RBFOX1: variants seen among roughly 807,000 people sequenced by gnomAD.
The protein encoded by RBFOX1 is RNA binding fox-1 homolog 1.
Under a neutral mutation model 57.7 loss-of-function variants are expected in RBFOX1, and 8 were observed. The observed-to-expected ratio is 0.14, with a 90% CI of 0.08 to 0.25. The LOEUF (loss-of-function observed/expected upper bound fraction) is 0.25. RBFOX1 is among the 10% of genes least tolerant of loss of function. The pLI is 1.00. For synonymous variants in RBFOX1, 326 were observed against 222.4 expected (o/e 1.47, Z -4.15); for missense variants, 611 against 548.5 (o/e 1.11, Z -1.14).
chr16:6,641,241 C>G (rs2098485075), intron 2 of RBFOX1, among the ~76,000 whole-genome samples: 1 of 152,086 alleles, frequency 6.6e-6, no homozygotes, highest in Non-Finnish European at 1.5e-5. Context: ...TCAGGGCTTC[C>G]CCAGCCCTCA....
intron 3 of RBFOX1, among the ~76,000 whole-genome samples, chr16:7,032,298 A>C (rs2043008219): frequency 6.6e-6 from 1 of 151,942 alleles, no homozygotes; most frequent in African/African-American, 2.4e-5. Context: ...AAAAAAATTT[A>C]GCTGGGTGTG....
At position 7,229,664 on chromosome 16, in the gene RBFOX1, C is replaced by T. The variant is rs1461890594; in HGVS notation, c.27+177566C>T. Among the ~76,000 whole-genome samples, 10 of 35,086 alleles carry T rather than the reference C, an allele frequency of 2.9e-4. 1 individual carries two copies. The highest frequency in any genetic ancestry group is 6.0e-4 in the Non-Finnish European group (10 of 16,588). 23.0% of individuals were successfully genotyped at this position (35,086 alleles called of 152,430 possible). On this transcript the variant is annotated intron_variant, in intron 4 of 15. Coordinates refer to ENST00000550418, the MANE Select transcript of RBFOX1 (RefSeq NM_018723.4). Reference sequence around the variant, plus strand: ...GGAAGGGAGAGAGAGGGAGGAAGGGCAAAGGAAGTAAGGGAGAGAGACGAA... The same window carrying T: ...GGAAGGGAGAGAGAGGGAGGAAGGGTAAAGGAAGTAAGGGAGAGAGACGAA...
At chr16:5,656,110 T>C (rs1024210902) in intron 3 of RBFOX1, among the ~76,000 whole-genome samples, 2 of 152,228 alleles carry the variant, frequency 1.3e-5, no homozygotes, top group Non-Finnish European at 2.9e-5. Context: ...AGCAAAATAT[T>C]AGTAACTTGA....
At chr16:5,613,454 C>A (rs775341537) in intron 3 of RBFOX1, among the ~76,000 whole-genome samples, 1 of 152,174 alleles carries the variant, frequency 6.6e-6, no homozygotes, top group Non-Finnish European at 1.5e-5. Context: ...GCTGATGGCA[C>A]AGGGTTGCAG....
chr16:7,191,780 A>G (rs960244411), intron 4 of RBFOX1, among the ~76,000 whole-genome samples: 6 of 152,186 alleles, frequency 3.9e-5, no homozygotes, highest in Admixed American at 1.3e-4. Context: ...AGCCCTAAGA[A>G]TTCTCTGTGG....
At chr16:6,801,896 TAA>T (rs1478861164) in intron 3 of RBFOX1, among the ~76,000 whole-genome samples, 1 of 152,158 alleles carries the variant, frequency 6.6e-6, no homozygotes, top group Non-Finnish European at 1.5e-5. Flanking sequence ...CATCTGTACC[TAA>T]GATCTGAGTC....
chr16:7,576,823 C>T (rs189659899), intron 5 of RBFOX1, among the ~76,000 whole-genome samples: 1 of 152,242 alleles, frequency 6.6e-6, no homozygotes, highest in East Asian at 1.9e-4. Context: ...AGAAGGAGCT[C>T]ATTTTGTTTT....
intron 3 of RBFOX1, among the ~76,000 whole-genome samples, chr16:5,678,696 T>A (rs138715478): frequency 6.6e-6 from 1 of 152,324 alleles, no homozygotes; most frequent in Non-Finnish European, 1.5e-5. Context: ...GTTTCTCACT[T>A]CCCATTGTCT....
intron 4 of RBFOX1, among the ~76,000 whole-genome samples, chr16:7,294,640 A>T (rs2095855968): frequency 6.6e-6 from 1 of 152,156 alleles, no homozygotes; most frequent in Admixed American, 6.5e-5. Context: ...AAGCTAGGAA[A>T]ATTTCATATG....
intron 2 of RBFOX1, among the ~76,000 whole-genome samples, chr16:6,648,802 C>T (rs1006214229): frequency 5.9e-5 from 9 of 152,132 alleles, no homozygotes; most frequent in Non-Finnish European, 1.0e-4. Flanking sequence ...AAAATACAGC[C>T]TGAGAATCTG....
At chr16:5,274,294 C>A (rs566289080) in intron 1 of RBFOX1, among the ~76,000 whole-genome samples, 1 of 152,196 alleles carries the variant, frequency 6.6e-6, no homozygotes, top group South Asian at 2.1e-4. Flanking sequence ...TTTGGGAGGC[C>A]GAGGTGGGCA....
intron 3 of RBFOX1, among the ~76,000 whole-genome samples, chr16:5,756,204 C>G (rs976546830): frequency 2.6e-5 from 3 of 114,396 alleles, no homozygotes; most frequent in Admixed American, 2.4e-4. Flanking sequence ...GAACCCCCTT[C>G]TTACATCTTC....
At chr16:7,291,057 G>A (rs2095760950) in intron 4 of RBFOX1, among the ~76,000 whole-genome samples, 1 of 152,180 alleles carries the variant, frequency 6.6e-6, no homozygotes. Context: ...AGCAGTTTCA[G>A]CCAAAGAGCA....
At chr16:6,040,222 G>A (rs113848505) in intron 1 of RBFOX1, among the ~76,000 whole-genome samples, 15 of 152,200 alleles carry the variant, frequency 9.9e-5, no homozygotes, top group South Asian at 2.1e-4. Flanking sequence ...AAATGTTACC[G>A]TCTTAACCAT....
At chr16:7,097,893 C>G (rs769389143) in intron 4 of RBFOX1, among the ~76,000 whole-genome samples, 3 of 152,186 alleles carry the variant, frequency 2.0e-5, no homozygotes, top group African/African-American at 2.4e-5. Flanking sequence ...ATCATAGTGC[C>G]TCACACAATG....
chr16:5,408,780 T>C lies in RBFOX1; in HGVS notation c.220-58436T>C, dbSNP rs866845774. ...GTGAAGCAGGAGCAGGCACTTCCCATGGCAAAAGCAGGAGCAAGACAGAGT... is the reference window on the plus strand; with the variant it reads ...GTGAAGCAGGAGCAGGCACTTCCCACGGCAAAAGCAGGAGCAAGACAGAGT... On this transcript the variant is annotated intron_variant, in intron 1 of 2. Transcript: ENST00000585867. Among the ~76,000 whole-genome samples the C allele has an allele frequency of 7.2e-5, 11 of 152,312 alleles. No individual in the cohort carries two copies. The Middle Eastern group carries it at 0.027, about 377-fold the overall frequency.
At chr16:7,292,411 T>C (rs2095806968) in intron 4 of RBFOX1, among the ~76,000 whole-genome samples, 1 of 139,996 alleles carries the variant, frequency 7.1e-6, no homozygotes, top group Non-Finnish European at 1.5e-5. Flanking sequence ...TAATGTATTA[T>C]ATTATATATA....
intron 3 of RBFOX1, among the ~76,000 whole-genome samples, chr16:5,857,062 A>C (rs2057090209): frequency 6.6e-6 from 1 of 152,190 alleles, no homozygotes. Flanking sequence ...TTTTGATTCA[A>C]GGTGAGAAAC....
At chr16:6,435,880 C>G (rs77214936) in intron 2 of RBFOX1, among the ~76,000 whole-genome samples, 2,880 of 152,252 alleles carry the variant, frequency 0.019, 93 homozygotes, top group African/African-American at 0.065. Context: ...ATGTTCCATA[C>G]ATTTATGAAT....
Sources: gnomAD v4.1 joint callset for allele counts (sites outside exome capture counted in the v4.1 genomes callset) on GRCh38, gnomAD v4.1.1 for gene constraint, MANE v1.5 for transcripts, NCBI Gene and HGNC (gene_info 2026-07-23, HGNC 2026-07-21) for gene names.